Variants in TNFRSF8 observed in about 807,000 individuals in gnomAD.
TNFRSF8 encodes TNF receptor superfamily member 8, also known as tumor necrosis factor receptor superfamily member 8.
In TNFRSF8, 26 loss-of-function variants were observed where a neutral mutation model predicts 70.8. The observed-to-expected ratio is 0.37, with a 90% confidence interval of 0.27 to 0.51. The LOEUF (loss-of-function observed/expected upper bound fraction) is 0.51. TNFRSF8 is among the 20% of genes least tolerant of loss of function. The probability of loss-of-function intolerance (pLI) is 0.94; values close to 1 mark genes in which losing one functional copy is unlikely to be tolerated. For missense variants in TNFRSF8, 720 were observed against 807.9 expected (o/e 0.89, Z 1.32); for synonymous variants, 356 against 339.2 (o/e 1.05, Z -0.54).
At chr1:12,079,951 T>TA (rs931405284) in intron 1 of TNFRSF8, among the ~76,000 whole-genome samples, 13 of 30,666 alleles carry the variant, frequency 4.2e-4, no homozygotes, top group African/African-American at 1.5e-3. Context: ...AATTCTCTAT[T>TA]TTTTTTTTTT....
rs1042247656 is a variant in TNFRSF8, at chr1:12,094,613, G to GTTT, written c.152-2473_152-2471dup. ...TTAAAGAGTGACAGCCATGAAGCTA[G>GTTT]TTTTTTTTTTTTTTTTTGCTTTTTT... On this transcript the variant is annotated intron_variant, in intron 2 of 14. Coordinates refer to ENST00000263932, the MANE Select transcript of TNFRSF8 (RefSeq NM_001243.5). Among the ~76,000 whole-genome samples, 188 of 119,642 alleles carry GTTT rather than the reference G, an allele frequency of 1.6e-3. 2 individuals are homozygous for GTTT. The highest frequency in any genetic ancestry group is 4.7e-3 in the African/African-American group (152 of 32,584). 78.5% of individuals were successfully genotyped at this position (119,642 alleles called of 152,430 possible). A position where few individuals can be genotyped will look rare whatever the true frequency, so the allele number is the denominator to read the frequency against.
intron 1 of TNFRSF8, among the ~76,000 whole-genome samples, chr1:12,067,208 G>C (rs1266078070): frequency 1.3e-5 from 2 of 152,194 alleles, no homozygotes; most frequent in Non-Finnish European, 2.9e-5. Context: ...GGGTTGCGGG[G>C]CGGGGGAAGC....
chr1:12,102,956 T>G (rs1641450320), intron 3 of TNFRSF8, among the ~76,000 whole-genome samples: 1 of 152,236 alleles, frequency 6.6e-6, no homozygotes, highest in African/African-American at 2.4e-5. Flanking sequence ...TGATTTTGAC[T>G]TGCATTTCCC....
At position 12,138,544 on chromosome 1, in the gene TNFRSF8, C is replaced by A; in HGVS notation, c.1543+108C>A. On this transcript the variant is annotated intron_variant, in intron 14 of 14. Coordinates refer to ENST00000263932, the MANE Select transcript of TNFRSF8 (RefSeq NM_001243.5). This position sits in a 1 kb window ranked among gnomAD's most constrained non-coding sequence, Gnocchi z 5.7. Reference sequence around the variant, plus strand: ...CCTGGAGACCCTGGAGTTGAAAGGCCCAGGAAAGGAGAGGCATAGATTCTT... The same window carrying A: ...CCTGGAGACCCTGGAGTTGAAAGGCACAGGAAAGGAGAGGCATAGATTCTT... The A allele has an allele frequency of 1.8e-6, 2 of 1,132,332 alleles. No individual in the cohort carries two copies. The highest frequency in any genetic ancestry group is 2.5e-6 in the Non-Finnish European group (2 of 809,128). 70.1% of individuals were successfully genotyped at this position (1,132,332 alleles called of 1,614,324 possible).
chr1:12,101,924 C>T (rs1303051349), intron 3 of TNFRSF8, among the ~76,000 whole-genome samples: 2 of 152,204 alleles, frequency 1.3e-5, no homozygotes, highest in East Asian at 3.8e-4. Flanking sequence ...ATCCGCCCTC[C>T]TCGGCCTCCC....
intron 1 of TNFRSF8, among the ~76,000 whole-genome samples, chr1:12,083,127 A>G (rs1276965619): frequency 6.6e-6 from 1 of 152,250 alleles, no homozygotes; most frequent in Non-Finnish European, 1.5e-5. Context: ...CAGATCCAAC[A>G]AGATGGCTAA....
chr1:12,089,167 G>C (rs1641204229), intron 2 of TNFRSF8, among the ~76,000 whole-genome samples: 1 of 152,178 alleles, frequency 6.6e-6, no homozygotes. Flanking sequence ...AGCCAGCTCA[G>C]AGGTCTTGGC....
Position 12,135,622 on chromosome 1 carries a change from C to G in TNFRSF8, c.1335+9C>G, listed in dbSNP as rs1307675989. The stretch of plus-strand genomic sequence containing the variant: ...CCAGGAGGAGCTCAACGGTAAGTAC[C>G]CCTCCCTTGCCCCCACCTCAGCTTC... On this transcript the variant is annotated intron_variant, in intron 13 of 14. Coordinates refer to ENST00000263932, the MANE Select transcript of TNFRSF8 (RefSeq NM_001243.5). 6.2e-7 allele frequency: 1 copy of G among 1,613,966 alleles called. No individual in the cohort carries two copies. Among genetic ancestry groups the G allele is most frequent in the African/African-American group, 1.3e-5 (1 of 74,938 alleles).
intron 8 of TNFRSF8, among the ~76,000 whole-genome samples, chr1:12,118,535 A>G (rs966826909): frequency 1.3e-5 from 2 of 152,276 alleles, no homozygotes; most frequent in African/African-American, 4.8e-5. Flanking sequence ...TGATAAATCC[A>G]GGAATAGAAG....
rs1403967430 is a variant in TNFRSF8, at chr1:12,104,400, C to T, written c.290C>T (p.Pro97Leu). Residue 97 changes from proline (P) to leucine (L), a missense_variant, in exon 4 of 15, where the codon CCG becomes CTG. By Grantham distance (98) the Pro-to-Leu change is moderately conservative. Coordinates refer to ENST00000263932, the MANE Select transcript of TNFRSF8 (RefSeq NM_001243.5). ...CSRDDLVEKT[P>L]CAWNSSRVCE... ...TTAGACGACCTCGTGGAGAAGACGCCGTGTGCATGGAACTCCTCCCGTGTC... is the reference window on the plus strand; with the variant it reads ...TTAGACGACCTCGTGGAGAAGACGCTGTGTGCATGGAACTCCTCCCGTGTC... 3 of 1,613,930 alleles carry T rather than the reference C, an allele frequency of 1.9e-6. No individual in the cohort carries two copies. The highest frequency in any genetic ancestry group is 2.7e-5 in the African/African-American group (2 of 74,872).
intron 1 of TNFRSF8, among the ~76,000 whole-genome samples, chr1:12,070,762 TG>T (rs993741927): frequency 6.6e-6 from 1 of 152,088 alleles, no homozygotes; most frequent in Non-Finnish European, 1.5e-5. Context: ...TTTTGGGATG[TG>T]GGAAAAAACA....
At chr1:12,125,897 C>T in intron 10 of TNFRSF8, 54 bp from the exon 11 acceptor site, 1 of 1,417,412 alleles carries the variant, frequency 7.1e-7, no homozygotes, top group East Asian at 2.3e-5. Context: ...GGGGCTGGGG[C>T]TGTCTTGTGT....
chr1:12,097,264 G>A (rs11569836), intron 3 of TNFRSF8, 47 bp downstream of exon 3: 3 of 1,441,290 alleles, frequency 2.1e-6, no homozygotes, highest in South Asian at 1.1e-5. Flanking sequence ...GGGAGCATGA[G>A]GGGTCCTCAG....
At chr1:12,117,111 C>T (rs1332861210) in intron 8 of TNFRSF8, among the ~76,000 whole-genome samples, 1 of 151,950 alleles carries the variant, frequency 6.6e-6, no homozygotes, top group Non-Finnish European at 1.5e-5. Flanking sequence ...GAGATGGAGT[C>T]TCGCTGTCTT....
At chr1:12,079,287 G>T (rs1229282468) in intron 1 of TNFRSF8, among the ~76,000 whole-genome samples, 1 of 152,194 alleles carries the variant, frequency 6.6e-6, no homozygotes, top group Non-Finnish European at 1.5e-5. Flanking sequence ...CCACTAAGGT[G>T]GGGCGGAGGG....
At chr1:12,135,278 T>C (rs1331512952) in intron 12 of TNFRSF8, among the ~76,000 whole-genome samples, 1 of 134,318 alleles carries the variant, frequency 7.4e-6, no homozygotes, top group Non-Finnish European at 1.5e-5. Context: ...ATCATGCCAC[T>C]GCACTCTAGC....
At chr1:12,084,893 T>TA (rs1287168770) in intron 2 of TNFRSF8, among the ~76,000 whole-genome samples, 3 of 152,168 alleles carry the variant, frequency 2.0e-5, no homozygotes, top group Non-Finnish European at 4.4e-5. Flanking sequence ...GATCCTTTAT[T>TA]ACACTCAATT....
At position 12,142,038 on chromosome 1, in the gene TNFRSF8, G is replaced by C. The variant is rs755398; in HGVS notation, c.1544-249G>C. Among the ~76,000 whole-genome samples the C allele has an allele frequency of 0.56, 85,289 of 151,960 alleles. 24,406 individuals carry two copies. The highest frequency in any genetic ancestry group is 0.68 in the Middle Eastern group (199 of 294). On this transcript the variant is annotated intron_variant, in intron 14 of 14. Coordinates refer to ENST00000263932, the MANE Select transcript of TNFRSF8 (RefSeq NM_001243.5). This position sits in a 1 kb window ranked among gnomAD's most constrained non-coding sequence, Gnocchi z 5.0. ...CTGTCCTCTTCTTCCCTACCCATCC[G>C]CAGAGATGTGCTGAGAAAATCCTAA... is the stretch of plus-strand genomic sequence containing the variant.
intron 3 of TNFRSF8, among the ~76,000 whole-genome samples, chr1:12,101,743 C>T (rs1641427062): frequency 6.6e-6 from 1 of 152,140 alleles, no homozygotes; most frequent in South Asian, 2.1e-4. Flanking sequence ...TGCAATGGCG[C>T]AATCTCGGCT....
Sources: gnomAD v4.1 joint callset for allele counts (sites outside exome capture counted in the v4.1 genomes callset) on GRCh38, gnomAD v4.1.1 for gene constraint, Gnocchi (gnomAD v3.1) non-coding constraint, MANE v1.5 for transcripts, NCBI Gene and HGNC (gene_info 2026-07-23, HGNC 2026-07-21) for gene names.